COPE: variants seen among roughly 807,000 people sequenced by gnomAD.
The protein encoded by COPE is coatomer subunit epsilon.
In COPE, 19 loss-of-function variants were observed where a neutral mutation model predicts 42.1. That is an observed-to-expected ratio of 0.45 (90% CI 0.31 to 0.66). The LOEUF (loss-of-function observed/expected upper bound fraction) is 0.66. COPE is among the 30% of genes least tolerant of loss of function. The pLI, the probability that COPE is intolerant of heterozygous loss-of-function variation, is 0.05. For synonymous variants in COPE, 195 were observed against 181.3 expected (o/e 1.08, Z -0.60); for missense variants, 402 against 416.1 (o/e 0.97, Z 0.30).
chr19:18,905,929 C>A (rs763392520), intron 4 of COPE: 2 of 523,866 alleles, frequency 3.8e-6, no homozygotes, highest in Admixed American at 8.0e-5. Flanking sequence ...TGCCCGGACT[C>A]GACACCCTGG....
In COPE at chr19:18,907,015, C is replaced by G; in HGVS notation, c.388G>C (p.Asp130His). 1.3e-6 allele frequency: 2 copies of G among 1,594,456 alleles called. No individual in the cohort carries two copies. Among genetic ancestry groups the G allele is most frequent in the South Asian group, 2.3e-5 (2 of 88,248 alleles). ...CGCAGGGCGGCATCCGGGTTCTGGT[C>G]GTGGAGATAGATGGAGGCGGCCATG... is the stretch of plus-strand genomic sequence containing the variant. ...LLMAASIYLH[D>H]QNPDAALRAL... The change falls in exon 4 of 10, where the codon GAC becomes CAC. Residue 130 changes from aspartate (D) to histidine (H), a missense_variant. Physicochemically the swap from Asp to His is moderately conservative, Grantham distance 81. Transcript: ENST00000262812.
Position 18,905,709 on chromosome 19 carries a change from G to A in COPE, c.444-80C>T, listed in dbSNP as rs948237839. 33 of 1,423,780 alleles carry A rather than the reference G, an allele frequency of 2.3e-5. No homozygotes were observed. In the Admixed American group the frequency reaches 6.4e-4, roughly 28 times the overall value. The allele number at this position is 1,423,780 out of a possible 1,614,324, so 88.2% of individuals were successfully genotyped here. On this transcript the variant is annotated intron_variant, in intron 4 of 9. Transcript: ENST00000262812. ...CCGCTCCACACCCAGGGCTCACTGTGTGTGTCTGGGATGTTCCTAAGTCCT... is the reference window on the plus strand; with the variant it reads ...CCGCTCCACACCCAGGGCTCACTGTATGTGTCTGGGATGTTCCTAAGTCCT...
intron 2 of COPE, among the ~76,000 whole-genome samples, chr19:18,912,485 G>A (rs961007453): frequency 1.3e-5 from 2 of 151,798 alleles, no homozygotes; most frequent in African/African-American, 4.8e-5. Flanking sequence ...TCGGCTGGGC[G>A]CGTTGGCTCA....
intron 6 of COPE, 89 bp from the exon 7 acceptor site, chr19:18,903,512 C>T (rs1884418311): frequency 7.7e-6 from 11 of 1,435,388 alleles, no homozygotes; most frequent in Non-Finnish European, 1.0e-5. Flanking sequence ...GGGACTCCAG[C>T]ACTGCACAGA....
In COPE at chr19:18,910,980, T is replaced by TCGTGGG; in HGVS notation, c.275_280dup (p.Ala92_His93dup). 1 of 1,613,788 alleles carries TCGTGGG rather than the reference T, an allele frequency of 6.2e-7. No homozygotes were observed. Among genetic ancestry groups the TCGTGGG allele is most frequent in the Non-Finnish European group, 8.5e-7 (1 of 1,179,976 alleles). On this transcript the variant is annotated inframe_insertion, in exon 3 of 10. Coordinates refer to ENST00000262812, the MANE Select transcript of COPE (RefSeq NM_007263.4). ...TTCTCTGGGGCCTCACCTCCGACTC[T>TCGTGGG]CGTGGGCGAGGTAGTCAGCAAACAT...
At position 18,899,866 on chromosome 19, in the gene COPE, C is replaced by T. The variant is rs375464976; in HGVS notation, c.879+7G>A. Reference sequence around the variant, plus strand: ...GTTCTCGGGGACAGGCCATCCCCACCACTCACCTTGGCCTGGTACTCCTTG... The same window carrying T: ...GTTCTCGGGGACAGGCCATCCCCACTACTCACCTTGGCCTGGTACTCCTTG... On this transcript the variant is annotated splice_region_variant and intron_variant, in intron 9 of 9. Coordinates refer to ENST00000262812, the MANE Select transcript of COPE (RefSeq NM_007263.4). 3.1e-6 allele frequency: 5 copies of T among 1,613,136 alleles called. No homozygotes were observed. Among genetic ancestry groups the T allele is most frequent in the African/African-American group, 1.3e-5 (1 of 75,058 alleles).
chr19:18,916,407 A>G (rs1444824058), intron 1 of COPE, among the ~76,000 whole-genome samples: 1 of 151,992 alleles, frequency 6.6e-6, no homozygotes, highest in Non-Finnish European at 1.5e-5. Context: ...TAATCCCAGC[A>G]CTGTGGGAGG....
chr19:18,912,802 CT>C (rs2056822410), intron 2 of COPE, among the ~76,000 whole-genome samples, 181 bp downstream of exon 2: 1 of 151,940 alleles, frequency 6.6e-6, no homozygotes, highest in African/African-American at 2.4e-5. Flanking sequence ...AGTCTCAGGC[CT>C]CCGTGACACA....
At chr19:18,918,199 A>AAAG (rs2056874201) in intron 1 of COPE, among the ~76,000 whole-genome samples, 1 of 135,998 alleles carries the variant, frequency 7.4e-6, no homozygotes, top group Non-Finnish European at 1.5e-5. Flanking sequence ...AAAAAAAAAA[A>AAAG]AAAAGAAAAG....
chr19:18,913,148 C>A, intron 1 of COPE, 102 bp from the exon 2 acceptor site: 1 of 1,043,684 alleles, frequency 9.6e-7, no homozygotes, highest in Non-Finnish European at 1.5e-6. Context: ...GGACAGGTGG[C>A]TTCTCCGGCA....
At chr19:18,903,237 C>T (rs762989706) in intron 7 of COPE, 31 bp downstream of exon 7, 8 of 1,533,978 alleles carry the variant, frequency 5.2e-6, no homozygotes, top group African/African-American at 1.4e-5. Flanking sequence ...GCCTTCCCTC[C>T]GTCCCCACTC....
intron 7 of COPE, among the ~76,000 whole-genome samples, chr19:18,902,508 T>C (rs907259716): frequency 1.4e-5 from 2 of 142,554 alleles, no homozygotes; most frequent in African/African-American, 5.3e-5. Flanking sequence ...CTACTAAAAA[T>C]ACAAAAATTA....
chr19:18,899,695 T>C lies in COPE; in HGVS notation c.911A>G (p.Tyr304Cys), dbSNP rs2056677004. ...GGGCCAGCCTCAGGCGCTGGGAGCG[T>C]ACTGTAGCACCAGCCTGTCAAAGTC... ...ENDFDRLVLQ[Y>C]APSA Residue 304 changes from tyrosine to cysteine, a missense_variant, in exon 10 of 10, where the codon TAC becomes TGC. Physicochemically the swap from Tyr to Cys is radical, Grantham distance 194. Coordinates refer to ENST00000262812, the MANE Select transcript of COPE (RefSeq NM_007263.4). 3 of 1,613,510 alleles carry C rather than the reference T, an allele frequency of 1.9e-6. No individual in the cohort carries two copies. The highest frequency in any genetic ancestry group is 2.5e-6 in the Non-Finnish European group (3 of 1,179,942).
chr19:18,914,535 C>T (rs1209450495), intron 1 of COPE, among the ~76,000 whole-genome samples: 1 of 151,898 alleles, frequency 6.6e-6, no homozygotes, highest in East Asian at 2.0e-4. Flanking sequence ...AGCAAGACTC[C>T]ATCTCAATAA....
intron 7 of COPE, among the ~76,000 whole-genome samples, chr19:18,900,782 C>T (rs1471481497): frequency 2.6e-5 from 4 of 152,182 alleles, no homozygotes; most frequent in Admixed American, 1.3e-4. Flanking sequence ...CAACGAACCC[C>T]GAGGCCATGG....
intron 1 of COPE, among the ~76,000 whole-genome samples, chr19:18,918,767 G>A (rs942823355): frequency 1.3e-5 from 2 of 152,156 alleles, no homozygotes; most frequent in Admixed American, 6.5e-5. Context: ...GGAATACAGT[G>A]CCCGTCCAAA....
Position 18,904,830 on chromosome 19 carries a change from C to T in COPE, c.520G>A (p.Asp174Asn). 1 of 1,555,640 alleles carries T rather than the reference C, an allele frequency of 6.4e-7. No homozygotes were observed. The change falls in exon 6 of 10, where the codon GAC (aspartate) becomes AAC (asparagine). Residue 174 changes from aspartate (D) to asparagine (N), a missense_variant. Asp to Asn is a conservative substitution (Grantham distance 23). Transcript: ENST00000262812. The part of the protein sequence containing the change: ...LARKELKRMQ[D>N]LDEDATLTQL... ...GTGAGGGTGGCATCCTCGTCCAGGT[C>T]CTGCATTCTCTTCAGCTCCTTCCTG...
intron 1 of COPE, 92 bp downstream of exon 1, chr19:18,919,131 G>C (rs550257697): frequency 6.3e-6 from 9 of 1,421,544 alleles, no homozygotes; most frequent in African/African-American, 1.4e-5. Context: ...GAAGAAAAGA[G>C]AAAGTTTTTA....
chr19:18,904,105 A>C lies in COPE; in HGVS notation c.579+666T>G, dbSNP rs2056735352. Among the ~76,000 whole-genome samples the C allele has an allele frequency of 1.3e-5, 2 of 152,232 alleles. 1 individual carries two copies. The highest frequency in any genetic ancestry group is 4.1e-4 in the South Asian group (2 of 4,834). ...CTCAGCCTCCTGAGTAGCTGGGTTT[A>C]CAGGTGCATGGCACCAAGCCCAGCT... On this transcript the variant is annotated intron_variant, in intron 6 of 9. Transcript: ENST00000262812.
Sources: allele counts gnomAD v4.1 joint callset (sites outside exome capture counted in the v4.1 genomes callset), GRCh38; gene constraint gnomAD v4.1.1; transcripts MANE v1.5; gene names NCBI Gene and HGNC (gene_info 2026-07-23, HGNC 2026-07-21).